CSRP1: variants seen among roughly 807,000 people sequenced by gnomAD.
CSRP1 encodes cysteine and glycine-rich protein 1.
In CSRP1, 16 loss-of-function variants were observed where a neutral mutation model predicts 25.4. The observed-to-expected ratio is 0.63, with a 90% confidence interval of 0.43 to 0.96. The LOEUF is 0.96. Ranked by LOEUF, CSRP1 falls within the 40% of genes least tolerant of loss-of-function variation. CSRP1 has a pLI of 0.00. For synonymous variants in CSRP1, 97 were observed against 95.3 expected, an observed-to-expected ratio of 1.02 and a Z score of -0.10; for missense variants, 212 against 243.6, an observed-to-expected ratio of 0.87 and a Z score of 0.86.
At chr1:201,490,482 A>C in intron 2 of CSRP1, 138 bp from the exon 3 acceptor site, 1 of 867,530 alleles carries the variant, frequency 1.2e-6, no homozygotes, top group Non-Finnish European at 1.7e-6. Context: ...CTGTCTACAA[A>C]TGGAGGCAGG....
rs1392008824 is a variant in CSRP1, at chr1:201,507,054, C to T, written c.-2+16G>A. On this transcript the variant is annotated intron_variant, in intron 1 of 5. Coordinates refer to ENST00000340006, the MANE Select transcript of CSRP1 (RefSeq NM_004078.3). ...CTCCGCGGCGGGCAGAGCCGCGCGA[C>T]TCAGGGCGCACTCACCTGGCAGCTG... 4 of 152,338 alleles carry T rather than the reference C, an allele frequency of 2.6e-5. No homozygotes were observed. Among genetic ancestry groups the T allele is most frequent in the African/African-American group, 9.6e-5 (4 of 41,580 alleles). 9.4% of individuals were successfully genotyped at this position (152,338 alleles called of 1,614,324 possible).
intron 4 of CSRP1, chr1:201,486,713 C>T: frequency 9.5e-7 from 1 of 1,053,284 alleles, no homozygotes. Flanking sequence ...TTTGCTCATT[C>T]ATAAGCACCC....
intron 4 of CSRP1, chr1:201,486,729 T>TA: frequency 9.4e-7 from 1 of 1,065,218 alleles, no homozygotes. Context: ...CACCCAAAAG[T>TA]ACTCCCAGCT....
At position 201,483,700 on chromosome 1, in the gene CSRP1, G is replaced by A; in HGVS notation, c.*1013C>T. The A allele has an allele frequency of 3.2e-6, 1 of 308,356 alleles. No individual in the cohort carries two copies. Among genetic ancestry groups the A allele is most frequent in the Non-Finnish European group, 6.2e-6 (1 of 161,674 alleles). 19.1% of individuals were successfully genotyped at this position (308,356 alleles called of 1,614,324 possible). A position where few individuals can be genotyped will look rare whatever the true frequency, so the allele number is the denominator to read the frequency against. The stretch of plus-strand genomic sequence containing the variant: ...ACCACTATTCCTAACCTGGGGCCTG[G>A]CAGGGGTGGAGTGATGTGATCTAAG... On this transcript the variant is annotated 3_prime_UTR_variant, in exon 6 of 6. Coordinates refer to ENST00000340006, the MANE Select transcript of CSRP1 (RefSeq NM_004078.3).
In CSRP1 at chr1:201,486,000, G is replaced by C. The variant is rs564724651; in HGVS notation, c.412-624C>G. On this transcript the variant is annotated intron_variant, in intron 4 of 5. Transcript: ENST00000340006. The stretch of plus-strand genomic sequence containing the variant: ...GCCCTGTGCCAGGCACTTTACACTG[G>C]TGAAGTCAGTTAGTGTTCACAGCTA... 2.0e-5 allele frequency: 3 copies of C among 152,398 alleles called. No individual in the cohort carries two copies. In the East Asian group the frequency reaches 5.8e-4, roughly 29 times the overall value. 9.4% of individuals were successfully genotyped at this position (152,398 alleles called of 1,614,324 possible).
At chr1:201,485,231 C>CT in intron 5 of CSRP1, 52 bp downstream of exon 5, 1 of 1,529,016 alleles carries the variant, frequency 6.5e-7, no homozygotes. Context: ...ACTACTTAGC[C>CT]CCCCTACCCC....
At chr1:201,496,131 G>C in intron 2 of CSRP1, 61 bp downstream of exon 2, 1 of 1,328,962 alleles carries the variant, frequency 7.5e-7, no homozygotes, top group Non-Finnish European at 1.1e-6. Flanking sequence ...GGCCCAGCCT[G>C]TGGGGGCAGG....
chr1:201,487,181 G>C (rs1341120592), intron 4 of CSRP1: 1 of 339,532 alleles, frequency 2.9e-6, no homozygotes, highest in Non-Finnish European at 5.7e-6. Context: ...GGAGGCCGAG[G>C]TGGGTGGATC....
At position 201,485,266 on chromosome 1, in the gene CSRP1, G is replaced by A; in HGVS notation, c.505+17C>T. On this transcript the variant is annotated intron_variant, in intron 5 of 5. Transcript: ENST00000340006. ...CCTTGGGCCTCCTGACCCTCAATTA[G>A]AAGTGAAAACACCCACCTTTGCAGT... 1 of 1,613,036 alleles carries A rather than the reference G, an allele frequency of 6.2e-7. No homozygotes were observed. The highest frequency in any genetic ancestry group is 8.5e-7 in the Non-Finnish European group (1 of 1,179,118).
chr1:201,505,057 G>A (rs538211277), intron 1 of CSRP1, among the ~76,000 whole-genome samples: 2 of 152,220 alleles, frequency 1.3e-5, no homozygotes, highest in African/African-American at 2.4e-5. Context: ...CCAATGTCAC[G>A]CCATTGCACT....
chr1:201,502,861 G>T (rs560073691), intron 1 of CSRP1, among the ~76,000 whole-genome samples: 11 of 152,176 alleles, frequency 7.2e-5, no homozygotes, highest in African/African-American at 2.4e-4. Context: ...TTTGCAGGGC[G>T]CAGTGGCTCA....
chr1:201,491,336 G>A (rs1368113124), intron 2 of CSRP1: 1 of 152,156 alleles, frequency 6.6e-6, no homozygotes, highest in Admixed American at 6.5e-5. Context: ...TTCAGAGCCT[G>A]GGGTCATGAA....
chr1:201,490,313 A>C lies in CSRP1; in HGVS notation c.144T>G (p.Thr48=). Residue 48 remains threonine (T), a synonymous_variant, in exon 3 of 6, where the codon ACT becomes ACG. Transcript: ENST00000340006. The part of the protein sequence containing the change: ...MVCKKNLDST[T]VAVHGEEIYC... The stretch of plus-strand genomic sequence containing the variant: ...AAATCTCCTCACCATGCACGGCCAC[A>C]GTGGTACTGTCCAGATTCTTCTTGC... The C allele has an allele frequency of 6.2e-7, 1 of 1,614,200 alleles. No homozygotes were observed. Among genetic ancestry groups the C allele is most frequent in the East Asian group, 2.2e-5 (1 of 44,886 alleles).
chr1:201,496,005 G>T (rs1159582706), intron 2 of CSRP1, 187 bp downstream of exon 2: 15 of 560,366 alleles, frequency 2.7e-5, no homozygotes, highest in Non-Finnish European at 4.7e-5. Flanking sequence ...TCATCCCTTA[G>T]AAAGAAGCTT....
intron 2 of CSRP1, 39 bp from the exon 3 acceptor site, chr1:201,490,383 G>A (rs545620377): frequency 6.2e-7 from 1 of 1,604,274 alleles, no homozygotes; most frequent in East Asian, 2.2e-5. Flanking sequence ...TTGAGTTGAA[G>A]CTGGGGTGAC....
At position 201,496,194 on chromosome 1, in the gene CSRP1, C is replaced by G. The variant is rs779141829; in HGVS notation, c.110G>C (p.Cys37Ser). ...GNSFHKSCFLCMVCKKNLDST... is the reference protein window; with the variant it reads ...GNSFHKSCFLSMVCKKNLDST... ...AATAGGGCCTGGGGCGTACTCACTG[C>G]ACAGGAAGCAGGATTTATGGAAGCT... The change falls in exon 2 of 6, where the codon TGC (cysteine) becomes TCC (serine). Residue 37 changes from cysteine to serine, a missense_variant and splice_region_variant. Cys to Ser is a moderately radical substitution (Grantham distance 112, BLOSUM62 -1). Coordinates refer to ENST00000340006, the MANE Select transcript of CSRP1 (RefSeq NM_004078.3). 17 of 1,613,634 alleles carry G rather than the reference C, an allele frequency of 1.1e-5. No individual in the cohort carries two copies. In the Admixed American group the frequency reaches 1.5e-4, roughly 14 times the overall value.
rs1664048305 is a variant in CSRP1, at chr1:201,483,912, C to T, written c.*801G>A. On this transcript the variant is annotated 3_prime_UTR_variant, in exon 6 of 6. Coordinates refer to ENST00000340006, the MANE Select transcript of CSRP1 (RefSeq NM_004078.3). Reference sequence around the variant, plus strand: ...GCCTGGGCTCTGCTGGCCGCAGCCTCAGGAGCCAGGGTTAAGGCCAGAGAT... The same window carrying T: ...GCCTGGGCTCTGCTGGCCGCAGCCTTAGGAGCCAGGGTTAAGGCCAGAGAT... 3.1e-6 allele frequency: 2 copies of T among 653,970 alleles called. No homozygotes were observed. The highest frequency in any genetic ancestry group is 5.5e-5 in the East Asian group (2 of 36,256). 40.5% of individuals were successfully genotyped at this position (653,970 alleles called of 1,614,324 possible).
chr1:201,489,936 C>T (rs901659630), intron 3 of CSRP1: 2 of 436,650 alleles, frequency 4.6e-6, no homozygotes, highest in East Asian at 6.7e-5. Flanking sequence ...CTCTGACTCT[C>T]ATACAAATAT....
intron 1 of CSRP1, among the ~76,000 whole-genome samples, chr1:201,500,773 C>T (rs1308164004): frequency 1.3e-5 from 2 of 152,252 alleles, no homozygotes; most frequent in South Asian, 2.1e-4. Context: ...CCTTTCTGCC[C>T]TTCTCTCCAA....
Sources: allele counts gnomAD v4.1 joint callset (sites outside exome capture counted in the v4.1 genomes callset), GRCh38; gene constraint gnomAD v4.1.1; transcripts MANE v1.5; gene names NCBI Gene and HGNC (gene_info 2026-07-23, HGNC 2026-07-21).